CSGALNACT1: variants seen among roughly 807,000 people sequenced by gnomAD.
CSGALNACT1 encodes the protein chondroitin sulfate N-acetylgalactosaminyltransferase 1, also known as beta4GalNAcT-1.
In CSGALNACT1, 52 loss-of-function variants were observed where a neutral mutation model predicts 51.0. That is an observed-to-expected ratio of 1.02 (90% CI 0.82 to 1.29). The LOEUF (loss-of-function observed/expected upper bound fraction) is 1.29, where lower values mean the gene tolerates loss of function less well. CSGALNACT1 is among the 50% of genes most tolerant of loss of function. The pLI is 0.00. For missense variants in CSGALNACT1, 935 were observed against 679.2 expected (o/e 1.38, Z -4.19); for synonymous variants, 341 against 254.4 (o/e 1.34, Z -3.24).
At chr8:19,667,258 C>CAA (rs928798627) in intron 1 of CSGALNACT1, among the ~76,000 whole-genome samples, 1,357 of 101,510 alleles carry the variant, frequency 0.013, 30 homozygotes, top group African/African-American at 0.042. Context: ...CCATCTCTAC[C>CAA]AAAAAAAAAA....
chr8:19,536,533 T>C (rs924318388), intron 3 of CSGALNACT1, among the ~76,000 whole-genome samples: 3 of 152,160 alleles, frequency 2.0e-5, no homozygotes, highest in Non-Finnish European at 4.4e-5. Context: ...AATGAATAGA[T>C]GCATGGATTG....
At position 19,734,019 on chromosome 8, in the gene CSGALNACT1, C is replaced by A. The variant is rs559751428; in HGVS notation, c.-297+23831G>T. Among the ~76,000 whole-genome samples, 11 of 152,274 alleles carry A rather than the reference C, an allele frequency of 7.2e-5. No individual in the cohort carries two copies. The South Asian group carries it at 2.1e-3, about 29-fold the overall frequency. On this transcript the variant is annotated intron_variant, in intron 1 of 1. Coordinates refer to the CSGALNACT1 transcript ENST00000517494. ...CCAGGGAGCCAGGGCTATCTGTTCA[C>A]CCCCCAACAATGAACGCTGAGGCTC...
chr8:19,504,670 T>G (rs1317118295), intron 4 of CSGALNACT1, among the ~76,000 whole-genome samples: 1 of 152,232 alleles, frequency 6.6e-6, no homozygotes, highest in Non-Finnish European at 1.5e-5. Context: ...ACTCTGGAGT[T>G]AAGACTTCCA....
At chr8:19,562,793 G>T (rs1386213395) in intron 3 of CSGALNACT1, among the ~76,000 whole-genome samples, 1 of 152,168 alleles carries the variant, frequency 6.6e-6, no homozygotes, top group Non-Finnish European at 1.5e-5. Flanking sequence ...TACTGGCAAG[G>T]CTTTGGAGAA....
intron 3 of CSGALNACT1, among the ~76,000 whole-genome samples, chr8:19,574,720 C>G (rs1337621564): frequency 6.6e-6 from 1 of 152,080 alleles, no homozygotes; most frequent in African/African-American, 2.4e-5. Flanking sequence ...AGATGGCAGA[C>G]TGTCTAAAAT....
At chr8:19,608,785 G>A (rs2051766051) in intron 1 of CSGALNACT1, among the ~76,000 whole-genome samples, 1 of 152,124 alleles carries the variant, frequency 6.6e-6, no homozygotes, top group Admixed American at 6.5e-5. Context: ...TCATAGGCCT[G>A]GTGACACTGT....
chr8:19,508,970 C>T (rs1563808567), intron 3 of CSGALNACT1, among the ~76,000 whole-genome samples: 2 of 152,188 alleles, frequency 1.3e-5, no homozygotes, highest in East Asian at 3.9e-4. Flanking sequence ...TGGTATTCCA[C>T]TCTTTGGAGA....
chr8:19,469,408 G>T (rs2067553302), intron 4 of CSGALNACT1, among the ~76,000 whole-genome samples: 1 of 151,828 alleles, frequency 6.6e-6, no homozygotes, highest in Admixed American at 6.6e-5. Context: ...GAAAGAGAAA[G>T]AAAAGAAAAA....
chr8:19,639,234 C>G (rs904668529), intron 1 of CSGALNACT1, among the ~76,000 whole-genome samples: 1 of 152,084 alleles, frequency 6.6e-6, no homozygotes, highest in African/African-American at 2.4e-5. Context: ...GCTTTATGTC[C>G]AAATGGGAGA....
At chr8:19,645,498 G>A (rs2057184044) in intron 1 of CSGALNACT1, among the ~76,000 whole-genome samples, 1 of 152,196 alleles carries the variant, frequency 6.6e-6, no homozygotes, top group Non-Finnish European at 1.5e-5. Flanking sequence ...TGTGCTCCTT[G>A]GCAAGGTTCT....
intron 1 of CSGALNACT1, among the ~76,000 whole-genome samples, chr8:19,724,968 G>A (rs1044819719): frequency 6.6e-6 from 1 of 152,214 alleles, no homozygotes; most frequent in Non-Finnish European, 1.5e-5. Flanking sequence ...GCATCTCTGA[G>A]AGCCCTGCTG....
chr8:19,424,994 G>A (rs749349440), intron 6 of CSGALNACT1, among the ~76,000 whole-genome samples: 2 of 152,126 alleles, frequency 1.3e-5, no homozygotes, highest in African/African-American at 2.4e-5. Flanking sequence ...AGAATCTCAG[G>A]ACCCCAAACT....
chr8:19,611,953 T>C (rs376779980), intron 1 of CSGALNACT1, among the ~76,000 whole-genome samples: 8 of 152,098 alleles, frequency 5.3e-5, no homozygotes, highest in African/African-American at 1.7e-4. Context: ...AATTAAGGAT[T>C]TGAACTAATT....
intron 3 of CSGALNACT1, among the ~76,000 whole-genome samples, chr8:19,571,796 A>G (rs896929647): frequency 1.3e-5 from 2 of 152,232 alleles, no homozygotes; most frequent in African/African-American, 4.8e-5. Flanking sequence ...ATGGGAACAG[A>G]AACCTCTGCC....
At chr8:19,591,451 C>T (rs1393026483) in intron 2 of CSGALNACT1, among the ~76,000 whole-genome samples, 1 of 152,176 alleles carries the variant, frequency 6.6e-6, no homozygotes, top group Non-Finnish European at 1.5e-5. Context: ...GTGATAGTCA[C>T]TTATAGTCCT....
chr8:19,648,865 AT>A (rs1386301014), intron 1 of CSGALNACT1, among the ~76,000 whole-genome samples: 1 of 152,170 alleles, frequency 6.6e-6, no homozygotes, highest in Admixed American at 6.5e-5. Context: ...AAGTGGATAA[AT>A]TATATCCATG....
chr8:19,679,822 C>T (rs1419248687), intron 1 of CSGALNACT1, among the ~76,000 whole-genome samples: 1 of 152,142 alleles, frequency 6.6e-6, no homozygotes, highest in Non-Finnish European at 1.5e-5. Flanking sequence ...AACACTTTAC[C>T]TGCGGCTTTA....
At chr8:19,545,752 C>T (rs888509744) in intron 3 of CSGALNACT1, among the ~76,000 whole-genome samples, 2 of 150,356 alleles carry the variant, frequency 1.3e-5, no homozygotes, top group African/African-American at 2.4e-5. Context: ...TTAATGAGAC[C>T]TGCTGAGAAA....
At position 19,494,136 on chromosome 8, in the gene CSGALNACT1, C is replaced by T. The variant is rs144574394; in HGVS notation, c.634+11065G>A. On this transcript the variant is annotated intron_variant, in intron 4 of 9. Coordinates refer to ENST00000454498, the Ensembl canonical transcript of CSGALNACT1. Reference sequence around the variant, plus strand: ...GTAATCTTGGCCCTGCTTAATTCTTCAGGTTTATCACCTTGCCATGCCCTC... The same window carrying T: ...GTAATCTTGGCCCTGCTTAATTCTTTAGGTTTATCACCTTGCCATGCCCTC... Among the ~76,000 whole-genome samples the T allele has an allele frequency of 5.7e-3, 874 of 152,340 alleles. 6 individuals carry two copies. The highest frequency in any genetic ancestry group is 0.014 in the Middle Eastern group (4 of 294).
Sources: gnomAD v4.1 joint callset for allele counts (sites outside exome capture counted in the v4.1 genomes callset) on GRCh38, gnomAD v4.1.1 for gene constraint, MANE v1.5 for transcripts, NCBI Gene and HGNC (gene_info 2026-07-23, HGNC 2026-07-21) for gene names.